ARHGAP12: variants seen among roughly 807,000 people sequenced by gnomAD.
The protein encoded by ARHGAP12 is rho GTPase-activating protein 12.
A neutral mutation model predicts 108.6 loss-of-function variants in ARHGAP12; 64 were observed. The observed-to-expected ratio is 0.59, with a 90% confidence interval of 0.48 to 0.73. ARHGAP12 has a LOEUF of 0.73. Among genes scored for constraint, ARHGAP12 ranks in the 30% least tolerant of loss-of-function variants. The probability of loss-of-function intolerance (pLI) is 0.00; values close to 1 mark genes in which losing one functional copy is unlikely to be tolerated. For synonymous variants in ARHGAP12, 312 were observed against 337.2 expected (o/e 0.93, Z 0.82); for missense variants, 940 against 1,005.9 (o/e 0.93, Z 0.89).
At chr10:31,873,775 G>A (rs941206246) in intron 3 of ARHGAP12, among the ~76,000 whole-genome samples, 1 of 152,192 alleles carries the variant, frequency 6.6e-6, no homozygotes, top group Non-Finnish European at 1.5e-5. Context: ...ATAGCTGCTA[G>A]AAACTTATTG....
At chr10:31,919,521 G>A (rs766158495) in intron 1 of ARHGAP12, among the ~76,000 whole-genome samples, 3 of 152,238 alleles carry the variant, frequency 2.0e-5, no homozygotes, top group Admixed American at 1.3e-4. Flanking sequence ...GGCCAGGCGC[G>A]GTGGCTCACG....
chr10:31,891,289 A>G (rs1044151658), intron 3 of ARHGAP12, among the ~76,000 whole-genome samples: 3 of 152,206 alleles, frequency 2.0e-5, no homozygotes, highest in South Asian at 2.1e-4. Flanking sequence ...AAAAGCTAGT[A>G]TATCTCTCAG....
Position 31,808,577 on chromosome 10 carries a change from G to A in ARHGAP12, c.2366+72C>T, listed in dbSNP as rs554499461. The A allele has an allele frequency of 9.7e-6, 13 of 1,338,382 alleles. No individual in the cohort carries two copies. The East Asian group carries it at 2.8e-4, about 29-fold the overall frequency. The allele number at this position is 1,338,382 out of a possible 1,614,324, so 82.9% of individuals were successfully genotyped here. Reference sequence around the variant, plus strand: ...CTGGGATCCAAATCTGAGTCTGAGTGACCCTGGCCCCACAGGCCTTCCCGC... The same window carrying A: ...CTGGGATCCAAATCTGAGTCTGAGTAACCCTGGCCCCACAGGCCTTCCCGC... On this transcript the variant is annotated intron_variant, in intron 19 of 19. Coordinates refer to ENST00000344936, the MANE Select transcript of ARHGAP12 (RefSeq NM_018287.7).
chr10:31,806,226 A>C lies in ARHGAP12; in HGVS notation c.*1432T>G, dbSNP rs986844227. ...GAAATATTGGATTCAGTTGATTTTT[A>C]AAAATGAGGTATAACAGTATGCCAG... On this transcript the variant is annotated 3_prime_UTR_variant, in exon 20 of 20. Transcript: ENST00000344936. 1 of 152,220 alleles carries C rather than the reference A, an allele frequency of 6.6e-6. No individual in the cohort carries two copies. The highest frequency in any genetic ancestry group is 1.9e-4 in the East Asian group (1 of 5,204). The allele number at this position is 152,220 out of a possible 1,614,324, so 9.4% of individuals were successfully genotyped here.
Position 31,908,858 on chromosome 10 carries a change from A to C in ARHGAP12, c.-3T>G. The C allele has an allele frequency of 6.3e-7, 1 of 1,578,668 alleles. No individual in the cohort carries two copies. The highest frequency in any genetic ancestry group is 1.7e-4 in the Middle Eastern group (1 of 5,914). On this transcript the variant is annotated 5_prime_UTR_variant, in exon 3 of 20. In the 5' UTR this introduces an upstream ATG that the reference lacks. Transcript: ENST00000344936. ...CCACTTCTGTCAGCCATTTTCATTC[A>C]ATAATATTCACCTCTCAAAAAGGAT...
At chr10:31,873,593 G>C (rs1592319126) in intron 3 of ARHGAP12, among the ~76,000 whole-genome samples, 1 of 152,100 alleles carries the variant, frequency 6.6e-6, no homozygotes. Flanking sequence ...AGCCCCTTAG[G>C]AGTTAAGAAC....
intron 3 of ARHGAP12, among the ~76,000 whole-genome samples, chr10:31,878,873 T>C (rs187596252): frequency 5.1e-4 from 78 of 152,360 alleles, no homozygotes; most frequent in African/African-American, 1.8e-3. Flanking sequence ...TAAAACCATG[T>C]ACACAAAAAT....
At chr10:31,844,587 G>A (rs775702948) in intron 6 of ARHGAP12, among the ~76,000 whole-genome samples, 10 of 152,026 alleles carry the variant, frequency 6.6e-5, no homozygotes, top group South Asian at 2.1e-4. Flanking sequence ...AGGCTGGAGC[G>A]CAGTGGCATG....
chr10:31,861,206 A>T (rs1837099939), intron 4 of ARHGAP12, among the ~76,000 whole-genome samples, 189 bp downstream of exon 4: 2 of 152,244 alleles, frequency 1.3e-5, no homozygotes, highest in Non-Finnish European at 2.9e-5. Context: ...GCAGCTGTCC[A>T]TTAGTCAGAG....
In ARHGAP12 at chr10:31,857,664, C is replaced by T. The variant is rs188136871; in HGVS notation, c.949-3458G>A. On this transcript the variant is annotated intron_variant, in intron 4 of 19. Coordinates refer to ENST00000344936, the MANE Select transcript of ARHGAP12 (RefSeq NM_018287.7). ...AAATATAGACACATGATCTTTAAAG[C>T]TGCCAACAAAAAGAGACAAACTACA... Among the ~76,000 whole-genome samples the T allele has an allele frequency of 1.3e-3, 191 of 152,234 alleles. 2 individuals carry two copies. The Middle Eastern group carries it at 0.014, about 11-fold the overall frequency.
At chr10:31,852,720 C>CA (rs1250622345) in intron 5 of ARHGAP12, 123 bp from the exon 6 acceptor site, 7 of 305,888 alleles carry the variant, frequency 2.3e-5, no homozygotes, top group Non-Finnish European at 4.1e-5. Flanking sequence ...AACATTGCAA[C>CA]AAAAAATTCT....
chr10:31,908,949 G>T, intron 2 of ARHGAP12, 23 bp from the exon 3 acceptor site: 1 of 1,231,124 alleles, frequency 8.1e-7, no homozygotes, highest in Non-Finnish European at 1.1e-6. Flanking sequence ...AATGGAGAAA[G>T]AGAATGAAGA....
intron 5 of ARHGAP12, among the ~76,000 whole-genome samples, chr10:31,853,790 T>C (rs931618656): frequency 6.6e-6 from 1 of 152,168 alleles, no homozygotes; most frequent in African/African-American, 2.4e-5. Flanking sequence ...TAAAGAAATA[T>C]GCCTACTGAA....
At chr10:31,872,381 A>G (rs892265936) in intron 3 of ARHGAP12, among the ~76,000 whole-genome samples, 1 of 152,066 alleles carries the variant, frequency 6.6e-6, no homozygotes, top group Non-Finnish European at 1.5e-5. Context: ...CAAACTCACT[A>G]CATCCTCTGC....
At chr10:31,870,539 T>C (rs1837502275) in intron 3 of ARHGAP12, among the ~76,000 whole-genome samples, 1 of 152,176 alleles carries the variant, frequency 6.6e-6, no homozygotes, top group Non-Finnish European at 1.5e-5. Context: ...ATAATTTTTA[T>C]ATAATAATAA....
intron 3 of ARHGAP12, among the ~76,000 whole-genome samples, chr10:31,899,549 G>C (rs1838839923): frequency 1.3e-5 from 2 of 152,096 alleles, no homozygotes; most frequent in African/African-American, 4.8e-5. Context: ...GAGATCAATG[G>C]AACAGAATAA....
intron 6 of ARHGAP12, among the ~76,000 whole-genome samples, chr10:31,845,905 G>A (rs1189340486): frequency 6.6e-6 from 1 of 152,146 alleles, no homozygotes; most frequent in African/African-American, 2.4e-5. Flanking sequence ...TACATTTAAT[G>A]TGATTATTTA....
chr10:31,922,507 A>G (rs1346503251), intron 1 of ARHGAP12, among the ~76,000 whole-genome samples: 1 of 151,852 alleles, frequency 6.6e-6, no homozygotes, highest in African/African-American at 2.4e-5. Flanking sequence ...GGCTCAAGCA[A>G]TCCTCCTAGC....
At chr10:31,882,840 G>C (rs887251301) in intron 3 of ARHGAP12, among the ~76,000 whole-genome samples, 1 of 140,084 alleles carries the variant, frequency 7.1e-6, no homozygotes, top group Non-Finnish European at 1.6e-5. Flanking sequence ...AAAAAAAACA[G>C]AAACTAGGCA....
Sources: gnomAD v4.1 joint callset for allele counts (sites outside exome capture counted in the v4.1 genomes callset) on GRCh38, gnomAD v4.1.1 for gene constraint, MANE v1.5 for transcripts, NCBI Gene and HGNC (gene_info 2026-07-23, HGNC 2026-07-21) for gene names.